The following TMCO1 variants were observed in gnomAD, a reference collection of about 807,000 sequenced individuals.
The protein encoded by TMCO1 is transmembrane and coiled-coil domains 1, also known as calcium load-activated calcium channel.
A neutral mutation model predicts 29.3 loss-of-function variants in TMCO1; 29 were observed. The ratio of observed to expected loss-of-function variants is 0.99; its 90% CI spans 0.74 to 1.35. The LOEUF (loss-of-function observed/expected upper bound fraction) is 1.35, where lower values mean the gene tolerates loss of function less well. Among genes scored for constraint, TMCO1 ranks in the 40% most tolerant of loss-of-function variants. The pLI is 0.00. For synonymous variants in TMCO1, 80 were observed against 77.1 expected (o/e 1.04, Z -0.20); for missense variants, 173 against 225.5 (o/e 0.77, Z 1.49).
At chr1:165,754,429 CAGA>C (rs1652115944) in intron 3 of TMCO1, among the ~76,000 whole-genome samples, 155 bp from the exon 4 acceptor site, 1 of 152,116 alleles carries the variant, frequency 6.6e-6, no homozygotes, top group Non-Finnish European at 1.5e-5. Flanking sequence ...GTTTTGTACT[CAGA>C]AGATTCAAAT....
chr1:165,754,208 G>C lies in TMCO1; in HGVS notation c.255+20C>G, dbSNP rs368705244. 2.5e-6 allele frequency: 4 copies of C among 1,594,276 alleles called. No individual in the cohort carries two copies. In the African/African-American group the frequency reaches 4.0e-5, roughly 16 times the overall value. ...AAAATATTATGTGGTTAACCATGAA[G>C]TTATAGTTAGGTCTCTTACCATTGA... On this transcript the variant is annotated intron_variant, in intron 4 of 6. Transcript: ENST00000367881.
chr1:165,724,780 T>A, downstream of TMCO1: 1 of 453,916 alleles, frequency 2.2e-6, no homozygotes, highest in South Asian at 1.6e-5. Context: ...ATTAAGGAAT[T>A]GTCCATTTTC....
intron 5 of TMCO1, among the ~76,000 whole-genome samples, chr1:165,751,109 T>C (rs1571223786): frequency 6.6e-6 from 1 of 152,168 alleles, no homozygotes; most frequent in East Asian, 1.9e-4. Flanking sequence ...CTATCATCGT[T>C]GGATATTTTC....
At chr1:165,752,271 T>G (rs1251508412) in intron 4 of TMCO1, 102 bp from the exon 5 acceptor site, 5 of 866,178 alleles carry the variant, frequency 5.8e-6, no homozygotes, top group Non-Finnish European at 9.2e-6. Flanking sequence ...TTTTTTTTTT[T>G]TGAGGCAGAG....
downstream of TMCO1, chr1:165,726,435 A>G (rs946324976): frequency 1.7e-6 from 1 of 598,114 alleles, no homozygotes. Context: ...GAGAATCACC[A>G]CATACCCATG....
chr1:165,726,939 T>C lies in TMCO1; in HGVS notation c.*1084A>G, dbSNP rs1305442496. 4 of 454,028 alleles carry C rather than the reference T, an allele frequency of 8.8e-6. No individual in the cohort carries two copies. Among genetic ancestry groups the C allele is most frequent in the African/African-American group, 2.0e-5 (1 of 50,020 alleles). 28.1% of individuals were successfully genotyped at this position (454,028 alleles called of 1,614,324 possible). On this transcript the variant is annotated 3_prime_UTR_variant, in exon 7 of 7. Coordinates refer to ENST00000367881, the MANE Select transcript of TMCO1 (RefSeq NM_019026.6). ...TGCTGATAAGAAAGAAGTTTGCTGT[T>C]GGTTTAACAATGATTACCTTGAAAA...
In TMCO1 at chr1:165,768,694, G is replaced by A. The variant is rs753646054; in HGVS notation, c.58C>T (p.Leu20=). 1.9e-6 allele frequency: 3 copies of A among 1,614,166 alleles called. No homozygotes were observed. Among genetic ancestry groups the A allele is most frequent in the African/African-American group, 2.7e-5 (2 of 75,030 alleles). Residue 20 remains leucine, a synonymous_variant, in exon 1 of 7, where the codon CTG becomes TTG. Coordinates refer to ENST00000367881, the MANE Select transcript of TMCO1 (RefSeq NM_019026.6). The part of the protein sequence containing the change: ...LIVFISVCTA[L]LAEGITWVLV... The stretch of plus-strand genomic sequence containing the variant: ...TACCCGCTCTCACCCTCTGCGAGCA[G>A]AGCCGTGCACACAGAGATAAAAACG...
chr1:165,751,201 T>C (rs1200289287), intron 5 of TMCO1, among the ~76,000 whole-genome samples: 1 of 152,202 alleles, frequency 6.6e-6, no homozygotes, highest in African/African-American at 2.4e-5. Context: ...TTAAACAAGA[T>C]TATAGTTATT....
intron 6 of TMCO1, among the ~76,000 whole-genome samples, chr1:165,730,357 A>AC (rs199707343): frequency 1.5e-3 from 4 of 2,728 alleles, no homozygotes; most frequent in African/African-American, 4.5e-3. Context: ...AAACAAAACA[A>AC]AAAAAAAAAA....
At chr1:165,766,781 A>AAATAAAT (rs1652585987) in intron 2 of TMCO1, among the ~76,000 whole-genome samples, 3 of 60,792 alleles carry the variant, frequency 4.9e-5, no homozygotes, top group Non-Finnish European at 1.1e-4. Flanking sequence ...AATAAATAAA[A>AAATAAAT]AATAAAAAAA....
chr1:165,728,142 G>A (rs1275466397), intron 6 of TMCO1, 21 bp from the exon 7 acceptor site: 2 of 1,590,394 alleles, frequency 1.3e-6, no homozygotes, highest in African/African-American at 1.3e-5. Flanking sequence ...AGCACAGTAA[G>A]GATTGGGTTT....
intron 2 of TMCO1, among the ~76,000 whole-genome samples, chr1:165,766,559 G>A (rs552938884): frequency 3.9e-5 from 6 of 152,206 alleles, no homozygotes; most frequent in East Asian, 3.9e-4. Context: ...AGGCCTAGCC[G>A]GGAGGATCGC....
chr1:165,768,129 T>C lies in TMCO1; in HGVS notation c.148+63A>G, dbSNP rs763610081. The C allele has an allele frequency of 9.0e-6, 12 of 1,339,404 alleles. 1 individual carries two copies. Among genetic ancestry groups the C allele is most frequent in the Admixed American group, 8.5e-5 (5 of 58,484 alleles). 83.0% of individuals were successfully genotyped at this position (1,339,404 alleles called of 1,614,324 possible). A position where few individuals can be genotyped will look rare whatever the true frequency, so the allele number is the denominator to read the frequency against. ...CAGCTGGTGCTCTTAAAATATTTAT[T>C]GTGAACATGGACTTAATGAGCTTGA... On this transcript the variant is annotated intron_variant, in intron 2 of 6. Coordinates refer to ENST00000367881, the MANE Select transcript of TMCO1 (RefSeq NM_019026.6).
intron 2 of TMCO1, among the ~76,000 whole-genome samples, chr1:165,765,737 G>A (rs1011940395): frequency 6.6e-6 from 1 of 152,200 alleles, no homozygotes; most frequent in Non-Finnish European, 1.5e-5. Context: ...ACAAGAGTAT[G>A]GCTAGTATGT....
intron 1 of TMCO1, 72 bp from the exon 2 acceptor site, chr1:165,768,341 T>G: frequency 6.5e-7 from 1 of 1,548,646 alleles, no homozygotes; most frequent in Non-Finnish European, 8.9e-7. Flanking sequence ...TGGTTACTGT[T>G]GGAGAAGGAG....
rs571733648 is a variant in TMCO1 at position 165,740,321 on chromosome 1, C to T, written c.468+2846G>A. Among the ~76,000 whole-genome samples, 78 of 151,964 alleles carry T rather than the reference C, an allele frequency of 5.1e-4. No individual in the cohort carries two copies. In the South Asian group the frequency reaches 0.012, roughly 23 times the overall value. ...GTTCACACCATTCTCCTGCCTCAGT[C>T]GCCCGAGTAGCTGGGACTACGGGTG... On this transcript the variant is annotated intron_variant, in intron 6 of 6. Transcript: ENST00000367881.
intron 6 of TMCO1, among the ~76,000 whole-genome samples, chr1:165,737,618 T>C (rs1651440614): frequency 6.6e-6 from 1 of 152,154 alleles, no homozygotes; most frequent in Non-Finnish European, 1.5e-5. Context: ...AAAAGTGACA[T>C]TACTTACGAG....
rs573376673 is a variant in TMCO1 at position 165,732,511 on chromosome 1, A to C, written c.469-4390T>G. On this transcript the variant is annotated intron_variant, in intron 6 of 6. Coordinates refer to ENST00000367881, the MANE Select transcript of TMCO1 (RefSeq NM_019026.6). Reference sequence around the variant, plus strand: ...TCTCTCTCTCTCTCTCTCTCTATATATATATATATAAACATACACATATAA... The same window carrying C: ...TCTCTCTCTCTCTCTCTCTCTATATCTATATATATAAACATACACATATAA... 7.8e-3 allele frequency among the ~76,000 whole-genome samples: 1,180 copies of C among 150,382 alleles called. 5 individuals are homozygous for C. Among genetic ancestry groups the C allele is most frequent in the Non-Finnish European group, 0.011 (716 of 67,712 alleles).
intron 2 of TMCO1, among the ~76,000 whole-genome samples, chr1:165,766,452 C>T (rs544871514): frequency 1.6e-4 from 24 of 152,134 alleles, no homozygotes; most frequent in Admixed American, 3.3e-4. Flanking sequence ...CTCCCAACAA[C>T]GGGAGGTCAA....
Sources: gnomAD v4.1 joint callset for allele counts (sites outside exome capture counted in the v4.1 genomes callset) on GRCh38, gnomAD v4.1.1 for gene constraint, MANE v1.5 for transcripts, NCBI Gene and HGNC (gene_info 2026-07-23, HGNC 2026-07-21) for gene names.